Variants in SENP8 observed in about 807,000 individuals in gnomAD.
SENP8 encodes the protein sentrin-specific protease 8.
In SENP8, 10 loss-of-function variants were observed where a neutral mutation model predicts 14.4. The ratio of observed to expected loss-of-function variants is 0.69; its 90% CI spans 0.43 to 1.18. The LOEUF is 1.18. Ranked by LOEUF, SENP8 falls within the 50% of genes most tolerant of loss-of-function variation. The pLI is 0.00. For missense variants in SENP8, 202 were observed against 249.4 expected, an observed-to-expected ratio of 0.81 and a Z score of 1.28; for synonymous variants, 94 against 95.5, an observed-to-expected ratio of 0.98 and a Z score of 0.09.
rs766490362 is a variant in SENP8, at chr15:72,140,046, C to A, written c.423C>A (p.Gly141=). The A allele has an allele frequency of 6.2e-7, 1 of 1,614,152 alleles. No individual in the cohort carries two copies. The highest frequency in any genetic ancestry group is 2.2e-5 in the East Asian group (1 of 44,890). The change falls in exon 2 of 2, where the codon GGC becomes GGA. Residue 141 remains glycine, a synonymous_variant. Transcript: ENST00000340912. ...CAGAGAAACTGGAGGCTTTCTTAGG[C>A]AGAAAAGGAGACAAACTGGCCTTTG... ...QVAEKLEAFL[G]RKGDKLAFVE...
Position 72,140,286 on chromosome 15 carries a change from T to C in SENP8, c.*24T>C, listed in dbSNP as rs758037369. On this transcript the variant is annotated 3_prime_UTR_variant, in exon 2 of 2. Coordinates refer to ENST00000340912, the MANE Select transcript of SENP8 (RefSeq NM_145204.4). Reference sequence around the variant, plus strand: ...AGCTATTGAAGTATATTTGCGACTTTTGAAGGCTCCTCTTTCTGCCCTTCC... The same window carrying C: ...AGCTATTGAAGTATATTTGCGACTTCTGAAGGCTCCTCTTTCTGCCCTTCC... 3.9e-6 allele frequency: 6 copies of C among 1,548,616 alleles called. No homozygotes were observed. Among genetic ancestry groups the C allele is most frequent in the Non-Finnish European group, 5.3e-6 (6 of 1,123,988 alleles).
chr15:72,133,035 G>T (rs921302946), intron 1 of SENP8, among the ~76,000 whole-genome samples: 1 of 152,104 alleles, frequency 6.6e-6, no homozygotes, highest in Admixed American at 6.5e-5. Context: ...GCCAGGCATG[G>T]TGCCAGGCAC....
chr15:72,132,327 A>G (rs2081280794), intron 1 of SENP8, among the ~76,000 whole-genome samples: 1 of 152,218 alleles, frequency 6.6e-6, no homozygotes, highest in African/African-American at 2.4e-5. Flanking sequence ...GCAGAACAAT[A>G]AAGGATAACA....
chr15:72,128,298 ATTTAC>A lies in SENP8; in HGVS notation c.-48+9839_-48+9843del, dbSNP rs564777108. ...AAATATATTTTAACCAAATGAATAAATTTACTTTAATAAATGTTTCTCTCCTGTAC... is the reference window on the plus strand; with the variant it reads ...AAATATATTTTAACCAAATGAATAAATTTAATAAATGTTTCTCTCCTGTAC... On this transcript the variant is annotated intron_variant, in intron 1 of 1. Transcript: ENST00000340912. Among the ~76,000 whole-genome samples, 3 of 152,338 alleles carry A rather than the reference ATTTAC, an allele frequency of 2.0e-5. No individual in the cohort carries two copies. The South Asian group carries it at 6.2e-4, about 32-fold the overall frequency.
intron 1 of SENP8, among the ~76,000 whole-genome samples, chr15:72,125,317 T>C (rs1362808637): frequency 6.6e-6 from 1 of 152,200 alleles, no homozygotes; most frequent in East Asian, 1.9e-4. Context: ...TCTTCACCTT[T>C]GCTAACTTGA....
At chr15:72,120,357 T>G (rs1203071502) in intron 1 of SENP8, among the ~76,000 whole-genome samples, 1 of 152,190 alleles carries the variant, frequency 6.6e-6, no homozygotes, top group East Asian at 1.9e-4. Context: ...AAAACCTGTC[T>G]ATCAGACCCA....
chr15:72,123,786 C>T (rs571802992), intron 1 of SENP8, among the ~76,000 whole-genome samples: 6 of 152,162 alleles, frequency 3.9e-5, no homozygotes, highest in Admixed American at 6.5e-5. Context: ...GTGATCCACC[C>T]GCCTTGGCCT....
chr15:72,133,086 G>A (rs577443050), intron 1 of SENP8, among the ~76,000 whole-genome samples: 3 of 152,148 alleles, frequency 2.0e-5, no homozygotes, highest in African/African-American at 7.2e-5. Context: ...CGGGAGAATC[G>A]CTTGAACCCG....
chr15:72,141,099 ACC>A lies in SENP8; in HGVS notation c.*838_*839del, dbSNP rs2140530458. 1 of 158,370 alleles carries A rather than the reference ACC, an allele frequency of 6.3e-6. No individual in the cohort carries two copies. The highest frequency in any genetic ancestry group is 2.1e-4 in the South Asian group (1 of 4,832). The allele number at this position is 158,370 out of a possible 1,614,324, so 9.8% of individuals were successfully genotyped here. A position where few individuals can be genotyped will look rare whatever the true frequency, so the allele number is the denominator to read the frequency against. On this transcript the variant is annotated 3_prime_UTR_variant, in exon 2 of 2. Coordinates refer to ENST00000340912, the MANE Select transcript of SENP8 (RefSeq NM_145204.4). Reference sequence around the variant, plus strand: ...TTTGGTTCTAAAATTCATAGTTGATACCTTCCCAAGGTTACCTGTTGTTTCAG... The same window carrying A: ...TTTGGTTCTAAAATTCATAGTTGATATTCCCAAGGTTACCTGTTGTTTCAG...
At chr15:72,138,878 T>C (rs1030092008) in intron 1 of SENP8, among the ~76,000 whole-genome samples, 9 of 147,622 alleles carry the variant, frequency 6.1e-5, no homozygotes, top group African/African-American at 2.3e-4. Flanking sequence ...GTCAAAAGAA[T>C]CGCTTCAACC....
chr15:72,117,001 G>C (rs1316116820), upstream of SENP8: 1 of 152,192 alleles, frequency 6.6e-6, no homozygotes, highest in African/African-American at 2.4e-5. Flanking sequence ...ATTCCCTCAG[G>C]ATTTCATGGC....
Position 72,142,164 on chromosome 15 carries a change from A to G in SENP8, c.*1902A>G, listed in dbSNP as rs1451349222. 1.3e-5 allele frequency: 2 copies of G among 152,152 alleles called. No homozygotes were observed. The highest frequency in any genetic ancestry group is 2.9e-5 in the Non-Finnish European group (2 of 68,026). 9.4% of individuals were successfully genotyped at this position (152,152 alleles called of 1,614,324 possible). ...TATAGAAAAATATATATACACACGT[A>G]TAGACATGTATATGTAATCTATCTA... On this transcript the variant is annotated 3_prime_UTR_variant, in exon 2 of 2. Transcript: ENST00000340912.
upstream of SENP8, chr15:72,118,276 C>T: frequency 1.0e-5 from 3 of 293,134 alleles, no homozygotes; most frequent in Admixed American, 5.2e-5. Context: ...ACGCCCCAGG[C>T]GGCCCCGCCC....
At chr15:72,129,328 A>C (rs555684869) in intron 1 of SENP8, among the ~76,000 whole-genome samples, 5 of 152,126 alleles carry the variant, frequency 3.3e-5, no homozygotes, top group African/African-American at 1.2e-4. Context: ...CAAGGAGTTC[A>C]AGACGGCCTG....
At chr15:72,134,361 C>G (rs1220900519) in intron 1 of SENP8, among the ~76,000 whole-genome samples, 1 of 152,154 alleles carries the variant, frequency 6.6e-6, no homozygotes, top group Non-Finnish European at 1.5e-5. Flanking sequence ...AGGAGGATAA[C>G]TTGAGCTCAG....
upstream of SENP8, chr15:72,116,983 A>G (rs1253697267): frequency 6.6e-6 from 1 of 152,214 alleles, no homozygotes; most frequent in Non-Finnish European, 1.5e-5. Context: ...ACATTAGGCT[A>G]AGCAAATATT....
intron 1 of SENP8, among the ~76,000 whole-genome samples, chr15:72,133,177 A>C (rs1371442252): frequency 1.3e-5 from 2 of 152,306 alleles, no homozygotes. Flanking sequence ...CTCAAAACAA[A>C]AGAAAAAAAT....
rs775999797 is a variant in SENP8 at position 72,139,696 on chromosome 15, A to G, written c.73A>G (p.Ser25Gly). The change falls in exon 2 of 2, where the codon AGC becomes GGC. Residue 25 changes from serine to glycine, a missense_variant. Ser to Gly is a moderately conservative substitution (Grantham distance 56, BLOSUM62 0). Transcript: ENST00000340912. ...AGATGTCTCACTATTGGATCCGCCA[A>G]GCTGGCTCAATGACCATATTATTGG... ...QSDVSLLDPP[S>G]WLNDHIIGFA... 14 of 1,614,118 alleles carry G rather than the reference A, an allele frequency of 8.7e-6. No homozygotes were observed. The African/African-American group carries it at 1.6e-4, about 18-fold the overall frequency.
intron 1 of SENP8, among the ~76,000 whole-genome samples, chr15:72,132,359 A>G (rs1283920768): frequency 2.0e-5 from 3 of 152,190 alleles, no homozygotes; most frequent in Non-Finnish European, 4.4e-5. Flanking sequence ...AAACCAAAGA[A>G]TAAGGATGTT....
Sources: gnomAD v4.1 joint callset for allele counts (sites outside exome capture counted in the v4.1 genomes callset) on GRCh38, gnomAD v4.1.1 for gene constraint, MANE v1.5 for transcripts, NCBI Gene and HGNC (gene_info 2026-07-23, HGNC 2026-07-21) for gene names.